ARHGEF4: variants seen among roughly 807,000 people sequenced by gnomAD.
ARHGEF4 encodes Rho guanine nucleotide exchange factor 4.
Under a neutral mutation model 162.0 loss-of-function variants are expected in ARHGEF4, and 119 were observed. The ratio of observed to expected loss-of-function variants is 0.73; its 90% CI spans 0.63 to 0.86. The LOEUF (loss-of-function observed/expected upper bound fraction) is 0.86. Ranked by LOEUF, ARHGEF4 falls within the 40% of genes least tolerant of loss-of-function variation. The probability of loss-of-function intolerance (pLI) is 0.00; values close to 1 mark genes in which losing one functional copy is unlikely to be tolerated. For missense variants in ARHGEF4, 2,488 were observed against 2,456.0 expected (o/e 1.01, Z -0.28); for synonymous variants, 1,014 against 979.9 (o/e 1.03, Z -0.65).
At chr2:130,993,154 C>T (rs1310717689) in intron 4 of ARHGEF4, among the ~76,000 whole-genome samples, 2 of 152,188 alleles carry the variant, frequency 1.3e-5, no homozygotes, top group Non-Finnish European at 2.9e-5. Flanking sequence ...TATATATTTT[C>T]CTCCAAGCAG....
intron 3 of ARHGEF4, among the ~76,000 whole-genome samples, chr2:130,944,964 G>A (rs931889739): frequency 6.6e-6 from 1 of 152,118 alleles, no homozygotes; most frequent in African/African-American, 2.4e-5. Flanking sequence ...TTCAGGGGCT[G>A]TTTCTTATGT....
Position 130,982,293 on chromosome 2 carries a change from G to A in ARHGEF4, c.3985+35658G>A, listed in dbSNP as rs150333656. 2.8e-3 allele frequency among the ~76,000 whole-genome samples: 424 copies of A among 152,126 alleles called. 2 individuals are homozygous for A. The highest frequency in any genetic ancestry group is 8.0e-3 in the Admixed American group (122 of 15,280). On this transcript the variant is annotated intron_variant, in intron 4 of 13. Transcript: ENST00000409359. ...GCATGAGCCACCATGCCCGGCCTGC[G>A]TTTTTTTATAATATTTATTTTATTT...
At chr2:130,845,849 A>G (rs968160063) in intron 1 of ARHGEF4, among the ~76,000 whole-genome samples, 4 of 152,230 alleles carry the variant, frequency 2.6e-5, no homozygotes, top group African/African-American at 9.6e-5. Flanking sequence ...GGCAGAAGCC[A>G]GACCTACGGT....
chr2:130,841,737 A>G (rs927261128), intron 1 of ARHGEF4, among the ~76,000 whole-genome samples: 52 of 152,188 alleles, frequency 3.4e-4, no homozygotes, highest in African/African-American at 1.2e-3. Flanking sequence ...CCCTGGAGAC[A>G]TGGTTAGGGA....
Position 130,836,931 on chromosome 2 carries a change from C to T in ARHGEF4, c.-23C>T, listed in dbSNP as rs1680234006. 1.5e-5 allele frequency: 18 copies of T among 1,222,638 alleles called. No individual in the cohort carries two copies. Among genetic ancestry groups the T allele is most frequent in the Non-Finnish European group, 1.7e-5 (17 of 982,404 alleles). The allele number at this position is 1,222,638 out of a possible 1,614,324, so 75.7% of individuals were successfully genotyped here. A position where few individuals can be genotyped will look rare whatever the true frequency, so the allele number is the denominator to read the frequency against. ...CGCGGCTCGTAGTGCTGCGGCCGGG[C>T]TCCGGGCGTCCCGGCGGCCACCATG... On this transcript the variant is annotated 5_prime_UTR_variant, in exon 1 of 14. Transcript: ENST00000409359.
At chr2:130,966,667 A>AT (rs1339449159) in intron 4 of ARHGEF4, among the ~76,000 whole-genome samples, 1 of 152,218 alleles carries the variant, frequency 6.6e-6, no homozygotes, top group Admixed American at 6.5e-5. Context: ...GACGGGCAGC[A>AT]TGCCGGTCCG....
At chr2:130,971,755 G>A (rs1019571249) in intron 4 of ARHGEF4, among the ~76,000 whole-genome samples, 1 of 152,146 alleles carries the variant, frequency 6.6e-6, no homozygotes, top group Admixed American at 6.6e-5. Context: ...TCAGTTTTGG[G>A]AGGATTGAAA....
In ARHGEF4 at chr2:130,915,503, T is replaced by C. The variant is rs1011316907; in HGVS notation, c.1557T>C (p.Pro519=). The change falls in exon 2 of 14, where the codon CCT becomes CCC. Residue 519 remains proline (P), a synonymous_variant. Transcript: ENST00000409359. ...TGCTCAGCGAGGAAAGCAAGTCACC[T>C]ACCAGGGCCAAGTTCCCACGGCAGC... ...KYVLSEESKS[P]TRAKFPRQPS... is the part of the protein sequence containing the mutation. The C allele has an allele frequency of 1.2e-5, 18 of 1,550,462 alleles. No individual in the cohort carries two copies. Among genetic ancestry groups the C allele is most frequent in the Non-Finnish European group, 1.5e-5 (17 of 1,147,008 alleles).
At chr2:131,015,999 G>A (rs1688752351) in intron 4 of ARHGEF4, among the ~76,000 whole-genome samples, 1 of 152,152 alleles carries the variant, frequency 6.6e-6, no homozygotes, top group Non-Finnish European at 1.5e-5. Flanking sequence ...GGGACCACAT[G>A]CATGCCAGGG....
chr2:130,906,694 C>T (rs7370150), intron 1 of ARHGEF4, among the ~76,000 whole-genome samples: 138,686 of 152,306 alleles, frequency 0.91, 63,664 homozygotes, highest in East Asian at 1. Context: ...TAAAGTACAG[C>T]GTTCAAAGTT....
At position 131,009,955 on chromosome 2, in the gene ARHGEF4, T is replaced by TTTTTG. The variant is rs1000047149; in HGVS notation, c.3986-17970_3986-17966dup. ...GGATTCTGTTGTTTCTCTGAAGAGGTTTTTGTTTTGTTTTGTTTTGTTTTT... is the reference window on the plus strand; with the variant it reads ...GGATTCTGTTGTTTCTCTGAAGAGGTTTTTGTTTTGTTTTGTTTTGTTTTGTTTTT... On this transcript the variant is annotated intron_variant, in intron 4 of 13. Coordinates refer to ENST00000409359, the MANE Select transcript of ARHGEF4 (RefSeq NM_001367493.1). Among the ~76,000 whole-genome samples, 218 of 152,220 alleles carry TTTTTG rather than the reference T, an allele frequency of 1.4e-3. 1 individual carries two copies. Among genetic ancestry groups the TTTTTG allele is most frequent in the African/African-American group, 5.0e-3 (207 of 41,522 alleles).
chr2:130,913,708 T>G (rs913041102), intron 1 of ARHGEF4, among the ~76,000 whole-genome samples: 1 of 152,264 alleles, frequency 6.6e-6, no homozygotes, highest in Non-Finnish European at 1.5e-5. Context: ...TTTATACTTA[T>G]GTAAACGCAC....
chr2:130,894,610 G>A (rs1680049251), intron 1 of ARHGEF4, among the ~76,000 whole-genome samples: 1 of 152,120 alleles, frequency 6.6e-6, no homozygotes, highest in Non-Finnish European at 1.5e-5. Context: ...ATTTTTGTTT[G>A]CTTGCATAAC....
intron 3 of ARHGEF4, among the ~76,000 whole-genome samples, chr2:130,939,922 G>A (rs12469924): frequency 0.58 from 87,650 of 152,044 alleles, 29,664 homozygotes; most frequent in East Asian, 0.84. Flanking sequence ...TGATTTTTAT[G>A]TGTTGATATT....
intron 1 of ARHGEF4, among the ~76,000 whole-genome samples, chr2:130,851,381 T>G (rs1681400757): frequency 6.6e-6 from 1 of 152,240 alleles, no homozygotes; most frequent in Admixed American, 6.5e-5. Flanking sequence ...CTGTTGTGTC[T>G]TCTCAGAGGA....
chr2:130,974,175 G>A (rs1176226796), intron 4 of ARHGEF4, among the ~76,000 whole-genome samples: 1 of 151,658 alleles, frequency 6.6e-6, no homozygotes, highest in Non-Finnish European at 1.5e-5. Context: ...GGGAGGCTGA[G>A]GTGGGAGGAT....
chr2:131,029,447 A>G (rs537093184), intron 5 of ARHGEF4, among the ~76,000 whole-genome samples: 102 of 152,336 alleles, frequency 6.7e-4, no homozygotes, highest in African/African-American at 2.4e-3. Flanking sequence ...CTTTCCCAAC[A>G]AAACCTTTCT....
rs1686562813 is a variant in ARHGEF4, at chr2:130,987,109, T to C, written c.3985+40474T>C. 3.9e-5 allele frequency among the ~76,000 whole-genome samples: 6 copies of C among 152,220 alleles called. No individual in the cohort carries two copies. The South Asian group carries it at 1.2e-3, about 32-fold the overall frequency. ...GGAGGAGCCACTGCAGGCAGAGGCC[T>C]GGCCTGCTGCAGGGCCAGGGAGCAG... On this transcript the variant is annotated intron_variant, in intron 4 of 13. Transcript: ENST00000409359.
At chr2:131,039,477 C>A in intron 6 of ARHGEF4, 2 of 1,022,526 alleles carry the variant, frequency 2.0e-6, no homozygotes, top group Non-Finnish European at 2.3e-6. Context: ...CTAAGGGGGT[C>A]TCCAGTCTTC....
Sources: gnomAD v4.1 joint callset for allele counts (sites outside exome capture counted in the v4.1 genomes callset) on GRCh38, gnomAD v4.1.1 for gene constraint, MANE v1.5 for transcripts, NCBI Gene and HGNC (gene_info 2026-07-23, HGNC 2026-07-21) for gene names.